POPDC3: variants seen among roughly 807,000 people sequenced by gnomAD.
POPDC3 encodes the protein popeye domain-containing protein 3.
POPDC3 carries 20 observed loss-of-function variants against 28.2 expected under a neutral mutation model. The ratio of observed to expected loss-of-function variants is 0.71; its 90% CI spans 0.50 to 1.03. The LOEUF is 1.03. POPDC3 is among the 50% of genes least tolerant of loss of function. The pLI is 0.00. For synonymous variants in POPDC3, 118 were observed against 124.1 expected, an observed-to-expected ratio of 0.95 and a Z score of 0.33; for missense variants, 316 against 345.9, an observed-to-expected ratio of 0.91 and a Z score of 0.69.
At position 105,175,104 on chromosome 6, in the gene POPDC3, T is replaced by C. The variant is rs540234104; in HGVS notation, c.-252+4729A>G. 4.1e-3 allele frequency among the ~76,000 whole-genome samples: 629 copies of C among 151,986 alleles called. 4 individuals are homozygous for C. The highest frequency in any genetic ancestry group is 7.1e-3 in the Non-Finnish European group (484 of 67,958). On this transcript the variant is annotated intron_variant, in intron 1 of 3. Transcript: ENST00000254765. ...ATCACTTGAACCCGGGAGGCTGAGGTTGCAGTAAGCCAACAATGCTCCACT... is the reference window on the plus strand; with the variant it reads ...ATCACTTGAACCCGGGAGGCTGAGGCTGCAGTAAGCCAACAATGCTCCACT...
intron 1 of POPDC3, among the ~76,000 whole-genome samples, chr6:105,176,301 A>G (rs1774681491): frequency 6.6e-6 from 1 of 152,220 alleles, no homozygotes; most frequent in South Asian, 2.1e-4. Flanking sequence ...TGACAGAAGT[A>G]AAAAACCAAA....
chr6:105,179,009 T>G, intron 1 of POPDC3: 3 of 985,458 alleles, frequency 3.0e-6, no homozygotes, highest in Non-Finnish European at 3.6e-6. Flanking sequence ...AGTGGGCTTC[T>G]AATTCTACTT....
rs1774602499 is a variant in POPDC3 at position 105,172,654 on chromosome 6, AGACTG to A, written c.-252+7174_-252+7178del. On this transcript the variant is annotated intron_variant, in intron 1 of 3. Transcript: ENST00000254765. ...ACCAACCCAAATGTCCAACAATGAG[AGACTG>A]GATTAAGAAAATGTAGCACATATAC... Among the ~76,000 whole-genome samples the A allele has an allele frequency of 2.0e-5, 3 of 150,978 alleles. No homozygotes were observed. In the South Asian group the frequency reaches 6.3e-4, roughly 32 times the overall value.
chr6:105,179,569 C>A (rs1774743958), intron 1 of POPDC3, among the ~76,000 whole-genome samples: 1 of 152,092 alleles, frequency 6.6e-6, no homozygotes, highest in African/African-American at 2.4e-5. Flanking sequence ...GGATAGGAAC[C>A]GCAGCAAAGG....
At chr6:105,161,076 A>G (rs143657166) in intron 2 of POPDC3, among the ~76,000 whole-genome samples, 87 of 152,330 alleles carry the variant, frequency 5.7e-4, no homozygotes, top group African/African-American at 2.1e-3. Context: ...AGTCTTTAAA[A>G]TATTTTGCAC....
At position 105,169,177 on chromosome 6, in the gene POPDC3, C is replaced by CT. The variant is rs1474969681; in HGVS notation, c.-251-7018dup. ...TTATAAGTGCTCACTGTATATGAGG[C>CT]TTTTCATTAATAATCTATATTTTAT... On this transcript the variant is annotated intron_variant, in intron 1 of 3. Transcript: ENST00000254765. 4.6e-5 allele frequency: 7 copies of CT among 152,266 alleles called. No homozygotes were observed. The East Asian group carries it at 1.3e-3, about 29-fold the overall frequency. The allele number at this position is 152,266 out of a possible 1,614,324, so 9.4% of individuals were successfully genotyped here.
chr6:105,162,458 G>A (rs552245517), intron 1 of POPDC3, among the ~76,000 whole-genome samples: 31 of 152,338 alleles, frequency 2.0e-4, no homozygotes, highest in Non-Finnish European at 3.8e-4. Context: ...CGGGCCGGGC[G>A]AGGTGGCGTG....
chr6:105,168,784 A>G (rs571717284), intron 1 of POPDC3: 2 of 152,244 alleles, frequency 1.3e-5, no homozygotes, highest in Non-Finnish European at 2.9e-5. Context: ...AGAGTGATTG[A>G]TGTGCTCCTA....
intron 1 of POPDC3, among the ~76,000 whole-genome samples, chr6:105,171,733 T>A (rs1316119088): frequency 2.1e-5 from 3 of 141,518 alleles, no homozygotes; most frequent in African/African-American, 8.1e-5. Flanking sequence ...GCCTGCATTT[T>A]AGTGAAATTC....
chr6:105,161,392 G>T (rs772235902), intron 2 of POPDC3, 33 bp downstream of exon 2: 1 of 1,586,218 alleles, frequency 6.3e-7, no homozygotes, highest in South Asian at 1.2e-5. Context: ...ACTAATACTT[G>T]AGGAAAGACA....
At chr6:105,164,323 T>C (rs1774413900) in intron 1 of POPDC3, among the ~76,000 whole-genome samples, 2 of 152,234 alleles carry the variant, frequency 1.3e-5, no homozygotes, top group South Asian at 4.1e-4. Context: ...TCTTGATTTG[T>C]AGGATATATT....
intron 1 of POPDC3, among the ~76,000 whole-genome samples, chr6:105,163,084 C>T (rs1453697396): frequency 6.6e-6 from 1 of 152,088 alleles, no homozygotes; most frequent in African/African-American, 2.4e-5. Context: ...TATCAATAAA[C>T]ATAAGAAACA....
chr6:105,164,243 A>G (rs1387353595), intron 1 of POPDC3, among the ~76,000 whole-genome samples: 1 of 152,214 alleles, frequency 6.6e-6, no homozygotes, highest in African/African-American at 2.4e-5. Context: ...TGATGCTAAT[A>G]GAGAAAGGCC....
chr6:105,165,984 G>A (rs939049007), intron 1 of POPDC3, among the ~76,000 whole-genome samples: 1 of 152,112 alleles, frequency 6.6e-6, no homozygotes, highest in Non-Finnish European at 1.5e-5. Flanking sequence ...ACCCCAGGAG[G>A]AAAGTACTAT....
intron 1 of POPDC3, among the ~76,000 whole-genome samples, chr6:105,179,618 G>A (rs1320486313): frequency 6.6e-6 from 1 of 152,134 alleles, no homozygotes; most frequent in Admixed American, 6.5e-5. Context: ...CGACACAGCC[G>A]GGACCCCAGA....
intron 1 of POPDC3, among the ~76,000 whole-genome samples, chr6:105,174,513 G>C (rs938925377): frequency 6.6e-6 from 1 of 152,206 alleles, no homozygotes; most frequent in Non-Finnish European, 1.5e-5. Context: ...ATGGTAAGCT[G>C]AAAATATCGT....
intron 1 of POPDC3, chr6:105,178,717 G>C: frequency 1.0e-6 from 1 of 984,666 alleles, no homozygotes; most frequent in Non-Finnish European, 1.2e-6. Flanking sequence ...TATATTTTCT[G>C]TCTCATGTAG....
chr6:105,172,760 A>G (rs532745610), intron 1 of POPDC3, among the ~76,000 whole-genome samples: 1 of 150,352 alleles, frequency 6.7e-6, no homozygotes, highest in South Asian at 2.1e-4. Context: ...GCTGGAAACC[A>G]TCATTCTCAG....
intron 1 of POPDC3, among the ~76,000 whole-genome samples, chr6:105,174,321 G>A (rs1257426613): frequency 6.6e-6 from 1 of 152,216 alleles, no homozygotes; most frequent in African/African-American, 2.4e-5. Context: ...TTACAGGCGT[G>A]AGCCACTGCG....
Sources: gnomAD v4.1 joint callset for allele counts (sites outside exome capture counted in the v4.1 genomes callset) on GRCh38, gnomAD v4.1.1 for gene constraint, MANE v1.5 for transcripts, NCBI Gene and HGNC (gene_info 2026-07-23, HGNC 2026-07-21) for gene names.